Variants in TSFM observed in about 807,000 individuals in gnomAD.
The protein encoded by TSFM is elongation factor Ts, mitochondrial.
A neutral mutation model predicts 33.4 loss-of-function variants in TSFM; 29 were observed. The ratio of observed to expected loss-of-function variants is 0.87; its 90% CI spans 0.65 to 1.18. TSFM has a LOEUF of 1.18. Ranked by LOEUF, TSFM falls within the 50% of genes most tolerant of loss-of-function variation. The pLI, the probability that TSFM is intolerant of heterozygous loss-of-function variation, is 0.00. For synonymous variants in TSFM, 178 were observed against 163.5 expected (o/e 1.09, Z -0.68); for missense variants, 394 against 395.6 (o/e 1.00, Z 0.04).
In TSFM at chr12:57,796,188, G is replaced by T; in HGVS notation, c.583G>T (p.Glu195Ter). The T allele has an allele frequency of 6.3e-7, 1 of 1,575,138 alleles. No homozygotes were observed. The highest frequency in any genetic ancestry group is 8.6e-7 in the Non-Finnish European group (1 of 1,160,440). Residue 195 changes from glutamate (E) to a stop codon, truncating the protein, a stop_gained, in exon 6 of 6, where the codon GAA (glutamate) becomes TAA (stop). Transcript: ENST00000652027. LOFTEE classifies it high-confidence loss of function. Reference protein sequence around the residue: ...QLALAIGKLGENMILKRAAWV... With the variant: ...QLALAIGKLG ...TTTTGCTTTAATAGGAAAACTGGGA[G>T]AAAACATGATTCTTAAACGAGCTGC...
At chr12:57,784,045 C>G in intron 2 of TSFM, 2 of 702,792 alleles carry the variant, frequency 2.8e-6, no homozygotes, top group Non-Finnish European at 5.2e-6. Context: ...TCATAGAGTA[C>G]CTACACAAAC....
intron 2 of TSFM, chr12:57,783,539 TG>T: frequency 1.5e-6 from 1 of 666,504 alleles, no homozygotes; most frequent in Non-Finnish European, 2.8e-6. Context: ...GTGTGAGCTT[TG>T]GAGTCAGATT....
At chr12:57,801,198 A>G (rs1283822442), downstream of TSFM, 35 of 1,613,270 alleles carry the variant, frequency 2.2e-5, no homozygotes, top group Non-Finnish European at 2.8e-5. Flanking sequence ...TTAATTGTTC[A>G]TATGTTTTTC....
In TSFM at chr12:57,796,816, C is replaced by A; in HGVS notation, c.*233C>A. The stretch of plus-strand genomic sequence containing the variant: ...ACGTGATAGTGTCGTGGAGAACAGG[C>A]ATCAACAATACTGCTGCTCCCTTCA... On this transcript the variant is annotated 3_prime_UTR_variant, in exon 6 of 6. Transcript: ENST00000652027. 1.7e-6 allele frequency: 2 copies of A among 1,171,242 alleles called. No individual in the cohort carries two copies. The highest frequency in any genetic ancestry group is 2.1e-6 in the Non-Finnish European group (2 of 951,174). 72.6% of individuals were successfully genotyped at this position (1,171,242 alleles called of 1,614,324 possible). A position where few individuals can be genotyped will look rare whatever the true frequency, so the allele number is the denominator to read the frequency against.
At position 57,786,234 on chromosome 12, in the gene TSFM, G is replaced by A. The variant is rs1394166339; in HGVS notation, c.303G>A (p.Lys101=). 11 of 1,611,834 alleles carry A rather than the reference G, an allele frequency of 6.8e-6. No homozygotes were observed. Among genetic ancestry groups the A allele is most frequent in the Middle Eastern group, 1.6e-4 (1 of 6,084 alleles). The change falls in exon 3 of 6, where the codon AAG becomes AAA. Residue 101 remains lysine, a synonymous_variant. Coordinates refer to ENST00000652027, the MANE Select transcript of TSFM (RefSeq NM_005726.6). ...AAGCTGCCAAGCTCCAAGGGAGGAA[G>A]ACCAAAGAAGGCCTGATTGGGCTGT... ...WSKAAKLQGR[K]TKEGLIGLLQ...
In TSFM at chr12:57,796,750, GC is replaced by G; in HGVS notation, c.*168del. 8.2e-7 allele frequency: 1 copy of G among 1,226,704 alleles called. No homozygotes were observed. Among genetic ancestry groups the G allele is most frequent in the Non-Finnish European group, 1.0e-6 (1 of 985,100 alleles). 76.0% of individuals were successfully genotyped at this position (1,226,704 alleles called of 1,614,324 possible). A position where few individuals can be genotyped will look rare whatever the true frequency, so the allele number is the denominator to read the frequency against. The stretch of plus-strand genomic sequence containing the variant: ...CCTTGTTTGCGTAATACTGGATTTA[GC>G]TTTTCTGTGCCTTTCAAAAACAACA... On this transcript the variant is annotated 3_prime_UTR_variant, in exon 6 of 6. Coordinates refer to ENST00000652027, the MANE Select transcript of TSFM (RefSeq NM_005726.6).
At chr12:57,799,894 C>G, downstream of TSFM, 2 of 1,614,148 alleles carry the variant, frequency 1.2e-6, no homozygotes, top group Non-Finnish European at 1.7e-6. Context: ...CATTAGAATT[C>G]AGGGAGAGGG....
downstream of TSFM, among the ~76,000 whole-genome samples, chr12:57,798,985 T>G (rs1056060536): frequency 6.6e-6 from 1 of 152,214 alleles, no homozygotes; most frequent in Non-Finnish European, 1.5e-5. Context: ...TGCTATCTGC[T>G]AGGCACTGTT....
chr12:57,802,721 T>A, downstream of TSFM: 1 of 606,044 alleles, frequency 1.7e-6, no homozygotes, highest in Admixed American at 2.9e-5. Flanking sequence ...ATAGGTGGTA[T>A]CTATCTAGTC....
Position 57,787,089 on chromosome 12 carries a change from T to C in TSFM, c.410T>C (p.Leu137Ser). Reference sequence around the variant, plus strand: ...TCTAGAAATTTAAAATTTCAACTGTTGGTCCAGCAAGTAGCCCTTGGAACC... The same window carrying C: ...TCTAGAAATTTAAAATTTCAACTGTCGGTCCAGCAAGTAGCCCTTGGAACC... ...FVSRNLKFQL[L>S]VQQVALGTMM... Residue 137 changes from leucine to serine, a missense_variant, in exon 4 of 6, where the codon TTG becomes TCG. Leu to Ser is a moderately radical substitution (Grantham distance 145, BLOSUM62 -2). Transcript: ENST00000652027. 1 of 1,612,586 alleles carries C rather than the reference T, an allele frequency of 6.2e-7. No homozygotes were observed. The highest frequency in any genetic ancestry group is 8.5e-7 in the Non-Finnish European group (1 of 1,179,156).
At chr12:57,786,136 T>G (rs545103933) in intron 2 of TSFM, 27 bp from the exon 3 acceptor site, 7 of 1,582,160 alleles carry the variant, frequency 4.4e-6, no homozygotes, top group Middle Eastern at 1.7e-4. Context: ...GACTTTGTTG[T>G]CTGCTCTTTT....
In TSFM at chr12:57,782,821, TGC is replaced by T; in HGVS notation, c.24_25del (p.Phe10SerfsTer114). The T allele has an allele frequency of 6.3e-7, 1 of 1,594,804 alleles. No homozygotes were observed. Among genetic ancestry groups the T allele is most frequent in the Non-Finnish European group, 8.5e-7 (1 of 1,171,562 alleles). ...AGAGAGATGTCGCTGCTGCGGTCGC[TGC>T]GCGTGTTTCTGGTCGCGCGGACCGG... On this transcript the variant is annotated frameshift_variant, in exon 1 of 6. Coordinates refer to ENST00000652027, the MANE Select transcript of TSFM (RefSeq NM_005726.6). LOFTEE classifies it high-confidence loss of function.
chr12:57,800,295 A>G (rs1955820707), downstream of TSFM: 1 of 174,616 alleles, frequency 5.7e-6, no homozygotes, highest in African/African-American at 2.4e-5. Flanking sequence ...CTTAAATACA[A>G]TTTAAAGATA....
chr12:57,786,364 G>A (rs1164464444), intron 3 of TSFM, 73 bp downstream of exon 3: 2 of 1,495,122 alleles, frequency 1.3e-6, no homozygotes, highest in Admixed American at 4.8e-5. Context: ...GGCCCTAAAG[G>A]GGCCTGTTCT....
intron 1 of TSFM, 115 bp from the exon 2 acceptor site, chr12:57,782,995 G>A: frequency 6.8e-7 from 1 of 1,474,356 alleles, no homozygotes; most frequent in East Asian, 2.3e-5. Context: ...GTCCAGCCCC[G>A]GTGCACCCCC....
intron 2 of TSFM, among the ~76,000 whole-genome samples, chr12:57,784,496 TAAC>T (rs771772965): frequency 4.6e-5 from 7 of 152,236 alleles, no homozygotes; most frequent in African/African-American, 1.2e-4. Flanking sequence ...TCTTTTGTAA[TAAC>T]AGCATAAAAC....
chr12:57,789,462 C>A (rs1955633828), intron 4 of TSFM, among the ~76,000 whole-genome samples: 1 of 152,112 alleles, frequency 6.6e-6, no homozygotes, highest in South Asian at 2.1e-4. Context: ...CTCCTGGGTT[C>A]GAGCAATTCT....
chr12:57,789,509 A>T (rs1252332230), intron 4 of TSFM, among the ~76,000 whole-genome samples: 1 of 152,136 alleles, frequency 6.6e-6, no homozygotes, highest in South Asian at 2.1e-4. Context: ...GATTATAGGC[A>T]TGCATTACTA....
At position 57,797,367 on chromosome 12, in the gene TSFM, A is replaced by G; in HGVS notation, c.*784A>G. The G allele has an allele frequency of 1.0e-6, 1 of 985,428 alleles. No homozygotes were observed. The highest frequency in any genetic ancestry group is 1.2e-6 in the Non-Finnish European group (1 of 829,914). The allele number at this position is 985,428 out of a possible 1,614,324, so 61.0% of individuals were successfully genotyped here. On this transcript the variant is annotated 3_prime_UTR_variant, in exon 6 of 6. Transcript: ENST00000652027. ...AACAAGCAGACCCAGAATACTGAAA[A>G]TAACTCCATTTGTTCATTATAGGTA...
Sources: gnomAD v4.1 joint callset for allele counts (sites outside exome capture counted in the v4.1 genomes callset) on GRCh38, gnomAD v4.1.1 for gene constraint, MANE v1.5 for transcripts, NCBI Gene and HGNC (gene_info 2026-07-23, HGNC 2026-07-21) for gene names.